LMO7: variants seen among roughly 807,000 people sequenced by gnomAD.
The protein encoded by LMO7 is LIM domain 7.
A neutral mutation model predicts 206.5 loss-of-function variants in LMO7; 120 were observed. That is an observed-to-expected ratio of 0.58 (90% CI 0.50 to 0.68). The LOEUF (loss-of-function observed/expected upper bound fraction) is 0.68, where lower values mean the gene tolerates loss of function less well. LMO7 is among the 30% of genes least tolerant of loss of function. The pLI is 0.00. For missense variants in LMO7, 1,959 were observed against 1,957.9 expected (o/e 1.00, Z -0.01); for synonymous variants, 706 against 681.5 (o/e 1.04, Z -0.56).
chr13:75,651,233 A>C (rs1406692033), intron 1 of LMO7, among the ~76,000 whole-genome samples: 6 of 152,182 alleles, frequency 3.9e-5, no homozygotes, highest in Non-Finnish European at 8.8e-5. Context: ...AATAAATTCC[A>C]GATGAGTTTC....
At chr13:75,854,880 T>C (rs567248635) in intron 28 of LMO7, 1 of 158,244 alleles carries the variant, frequency 6.3e-6, no homozygotes, top group East Asian at 1.8e-4. Context: ...TCTGAGGGGG[T>C]AGGAGGACAT....
chr13:75,725,091 C>T (rs1203338615), intron 2 of LMO7, among the ~76,000 whole-genome samples: 1 of 152,120 alleles, frequency 6.6e-6, no homozygotes, highest in Non-Finnish European at 1.5e-5. Context: ...GTATCTCTTA[C>T]TTCCCTTGGC....
At chr13:75,667,183 T>G (rs9573607) in intron 1 of LMO7, among the ~76,000 whole-genome samples, 35,609 of 152,040 alleles carry the variant, frequency 0.23, 4,451 homozygotes, top group Middle Eastern at 0.3. Context: ...TTTCTCTCAT[T>G]GCTTTTCAAG....
At chr13:75,637,015 G>A (rs572361749) in intron 1 of LMO7, among the ~76,000 whole-genome samples, 18 of 152,314 alleles carry the variant, frequency 1.2e-4, no homozygotes, top group Non-Finnish European at 1.8e-4. Context: ...CGTCCCGGAG[G>A]AGCAGCGCAG....
chr13:75,681,734 A>ATG (rs1230934007), intron 1 of LMO7, among the ~76,000 whole-genome samples: 94 of 134,668 alleles, frequency 7.0e-4, no homozygotes, highest in East Asian at 2.9e-3. Flanking sequence ...ATATATATAT[A>ATG]TATATATATA....
chr13:75,689,127 C>G (rs2041252395), intron 1 of LMO7: 1 of 152,174 alleles, frequency 6.6e-6, no homozygotes, highest in East Asian at 1.9e-4. Context: ...CTTTATCTTC[C>G]TCTAAGAGTT....
intron 3 of LMO7, among the ~76,000 whole-genome samples, chr13:75,740,994 C>T (rs2046361597): frequency 6.6e-6 from 1 of 152,124 alleles, no homozygotes; most frequent in Admixed American, 6.5e-5. Flanking sequence ...ATATCTGTTG[C>T]ATCAGACCTT....
intron 1 of LMO7, among the ~76,000 whole-genome samples, chr13:75,680,919 T>C (rs2040428910): frequency 6.6e-6 from 1 of 152,190 alleles, no homozygotes; most frequent in African/African-American, 2.4e-5. Flanking sequence ...TAATCATCAG[T>C]GAGTTGAGCT....
intron 7 of LMO7, among the ~76,000 whole-genome samples, chr13:75,802,806 T>C (rs922416912): frequency 2.6e-5 from 4 of 152,198 alleles, no homozygotes; most frequent in Non-Finnish European, 5.9e-5. Context: ...ATTCTACTGC[T>C]ACTCTCTAGA....
chr13:75,710,030 T>C (rs1030812844), intron 1 of LMO7, among the ~76,000 whole-genome samples: 6 of 152,342 alleles, frequency 3.9e-5, no homozygotes, highest in African/African-American at 1.4e-4. Flanking sequence ...TAGCCAGTTT[T>C]CCCAGCACCA....
chr13:75,760,685 T>C, intron 3 of LMO7: 6 of 1,520,660 alleles, frequency 3.9e-6, no homozygotes. Flanking sequence ...AACGTGCCAG[T>C]CACAAAGATC....
intron 1 of LMO7, among the ~76,000 whole-genome samples, chr13:75,685,890 CTTT>C (rs551370410): frequency 0.3 from 31,826 of 104,440 alleles, 3,073 homozygotes; most frequent in Middle Eastern, 0.46. Context: ...TTTTCTTTCT[CTTT>C]TTTTTTTTTT....
At chr13:75,698,630 A>C (rs913646884) in intron 1 of LMO7, among the ~76,000 whole-genome samples, 1 of 148,596 alleles carries the variant, frequency 6.7e-6, no homozygotes, top group East Asian at 2.0e-4. Flanking sequence ...GGGGAGGGGT[A>C]GGCATTTAGA....
chr13:75,689,037 A>T (rs767995598), intron 1 of LMO7: 1 of 152,186 alleles, frequency 6.6e-6, no homozygotes, highest in African/African-American at 2.4e-5. Context: ...TACTCTGTAT[A>T]TGCATTGACA....
chr13:75,776,041 A>G (rs1210292466), intron 4 of LMO7, among the ~76,000 whole-genome samples: 1 of 149,278 alleles, frequency 6.7e-6, no homozygotes, highest in Non-Finnish European at 1.5e-5. Flanking sequence ...GAGCAAAGAT[A>G]CAGAATTAAC....
At chr13:75,781,510 C>T (rs563982504) in intron 4 of LMO7, among the ~76,000 whole-genome samples, 3 of 152,036 alleles carry the variant, frequency 2.0e-5, no homozygotes, top group African/African-American at 7.2e-5. Flanking sequence ...GACACATTTT[C>T]TTAATCCAGT....
chr13:75,643,078 T>C (rs2036704036), intron 1 of LMO7, among the ~76,000 whole-genome samples: 1 of 152,230 alleles, frequency 6.6e-6, no homozygotes. Flanking sequence ...GAAAGAGGAA[T>C]GGTGTCCTGG....
At chr13:75,686,519 A>T (rs899524925) in intron 1 of LMO7, among the ~76,000 whole-genome samples, 3 of 136,368 alleles carry the variant, frequency 2.2e-5, no homozygotes, top group African/African-American at 2.7e-5. Context: ...GCCTGGCCCT[A>T]TCTTACCTTT....
chr13:75,790,496 G>GT lies in LMO7; in HGVS notation c.318-4905_318-4904insT, dbSNP rs564095612. 3.9e-4 allele frequency among the ~76,000 whole-genome samples: 60 copies of GT among 152,268 alleles called. 1 individual carries two copies. Among genetic ancestry groups the GT allele is most frequent in the Admixed American group, 3.5e-3 (53 of 15,302 alleles). On this transcript the variant is annotated intron_variant, in intron 4 of 30. Transcript: ENST00000377534. ...CGCACTCAACCAAGCTTCCTCCTCAGGGAACGACCCGGCCTGGGATCCCTG... is the reference window on the plus strand; with the variant it reads ...CGCACTCAACCAAGCTTCCTCCTCAGTGGAACGACCCGGCCTGGGATCCCTG...
Sources: allele counts gnomAD v4.1 joint callset (sites outside exome capture counted in the v4.1 genomes callset), GRCh38; gene constraint gnomAD v4.1.1; transcripts MANE v1.5; gene names NCBI Gene and HGNC (gene_info 2026-07-23, HGNC 2026-07-21).